The following ATP8B4 variants were observed in gnomAD, a reference collection of about 807,000 sequenced individuals.
The protein encoded by ATP8B4 is probable phospholipid-transporting ATPase IM.
In ATP8B4, 133 loss-of-function variants were observed where a neutral mutation model predicts 145.6. The observed-to-expected ratio is 0.91, with a 90% CI of 0.79 to 1.05. The LOEUF is 1.05. Ranked by LOEUF, ATP8B4 falls within the 50% of genes least tolerant of loss-of-function variation. ATP8B4 has a pLI of 0.00. For missense variants in ATP8B4, 1,458 were observed against 1,425.2 expected (o/e 1.02, Z -0.37); for synonymous variants, 507 against 492.9 (o/e 1.03, Z -0.38).
At chr15:49,902,098 A>G (rs1451051016) in intron 20 of ATP8B4, 1 of 171,384 alleles carries the variant, frequency 5.8e-6, no homozygotes, top group East Asian at 1.8e-4. Flanking sequence ...TTCCTCTTCA[A>G]GAACAGTTGA....
At chr15:49,978,435 A>G (rs1482283663) in intron 12 of ATP8B4, among the ~76,000 whole-genome samples, 1 of 152,186 alleles carries the variant, frequency 6.6e-6, no homozygotes, top group Non-Finnish European at 1.5e-5. Flanking sequence ...TGAATTTCCC[A>G]CAACTTGGCA....
chr15:49,899,613 T>C (rs541873836), intron 21 of ATP8B4, among the ~76,000 whole-genome samples: 1 of 152,312 alleles, frequency 6.6e-6, no homozygotes, highest in Non-Finnish European at 1.5e-5. Context: ...TAATTGTCTG[T>C]CTTGCCTAGA....
chr15:50,005,045 T>C (rs1182711022), intron 7 of ATP8B4, among the ~76,000 whole-genome samples: 1 of 152,152 alleles, frequency 6.6e-6, no homozygotes, highest in African/African-American at 2.4e-5. Flanking sequence ...AGCGTGAATA[T>C]CCAAACTCAC....
chr15:50,121,329 C>T (rs1292527584), upstream of ATP8B4, among the ~76,000 whole-genome samples: 1 of 152,090 alleles, frequency 6.6e-6, no homozygotes, highest in East Asian at 1.9e-4. Flanking sequence ...CTACCAAGGG[C>T]TGCAGGAAGA....
chr15:49,874,306 C>T (rs1207063715), intron 25 of ATP8B4, among the ~76,000 whole-genome samples: 1 of 152,110 alleles, frequency 6.6e-6, no homozygotes, highest in Middle Eastern at 3.2e-3. Flanking sequence ...TAAATGGATC[C>T]AGGGAGGCCC....
At position 50,073,019 on chromosome 15, in the gene ATP8B4, TACACACACAC is replaced by T. The variant is rs373934302; in HGVS notation, c.87+1098_87+1107del. 3.9e-3 allele frequency among the ~76,000 whole-genome samples: 126 copies of T among 32,446 alleles called. 3 individuals are homozygous for T. The highest frequency in any genetic ancestry group is 0.012 in the African/African-American group (86 of 7,402). 21.3% of individuals were successfully genotyped at this position (32,446 alleles called of 152,430 possible). ...ATATATATATATATATATATATATATACACACACACACACACACACACACACACACACACT... is the reference window on the plus strand; with the variant it reads ...ATATATATATATATATATATATATATACACACACACACACACACACACACT... On this transcript the variant is annotated intron_variant, in intron 3 of 27. Coordinates refer to ENST00000284509, the MANE Select transcript of ATP8B4 (RefSeq NM_024837.4).
chr15:50,060,837 G>A (rs990025415), intron 3 of ATP8B4, among the ~76,000 whole-genome samples: 2 of 152,186 alleles, frequency 1.3e-5, no homozygotes, highest in African/African-American at 4.8e-5. Flanking sequence ...TGAGGCCAAT[G>A]ATGCTGGTCT....
At chr15:49,964,319 T>C (rs557515108) in intron 13 of ATP8B4, among the ~76,000 whole-genome samples, 32 of 151,704 alleles carry the variant, frequency 2.1e-4, no homozygotes, top group Non-Finnish European at 4.1e-4. Context: ...AATAAAATGA[T>C]GGAAAAGAGA....
chr15:49,972,685 A>T lies in ATP8B4; in HGVS notation c.1140T>A (p.Asn380Lys). The change falls in exon 13 of 28, where the codon AAT becomes AAA. Residue 380 changes from asparagine (N) to lysine (K), a missense_variant. Coordinates refer to ENST00000284509, the MANE Select transcript of ATP8B4 (RefSeq NM_024837.4). ...TGTACTCAATCTGCCCCAGTTCCTC[A>T]TTGAGCGTGGTCGTTCGAGCCACTG... ...IPAVARTTTL[N>K]EELGQIEYIF... 1 of 1,613,986 alleles carries T rather than the reference A, an allele frequency of 6.2e-7. No individual in the cohort carries two copies. The highest frequency in any genetic ancestry group is 2.2e-5 in the East Asian group (1 of 44,872).
chr15:50,078,547 GA>G (rs1045890561), intron 2 of ATP8B4, among the ~76,000 whole-genome samples: 6 of 146,784 alleles, frequency 4.1e-5, no homozygotes, highest in East Asian at 2.0e-4. Context: ...AGGAAAATGT[GA>G]AAAAAAAAAC....
chr15:49,997,574 G>A (rs540219849), intron 8 of ATP8B4, among the ~76,000 whole-genome samples: 6 of 152,096 alleles, frequency 3.9e-5, no homozygotes, highest in African/African-American at 7.2e-5. Context: ...CCCAAGATAC[G>A]CAATGCTGCC....
intron 14 of ATP8B4, among the ~76,000 whole-genome samples, chr15:49,945,253 A>C (rs949264886): frequency 6.6e-6 from 1 of 152,168 alleles, no homozygotes; most frequent in Admixed American, 6.5e-5. Flanking sequence ...AACAAAGTGG[A>C]AACACTAGAA....
chr15:49,880,722 C>T lies in ATP8B4; in HGVS notation c.2698-1263G>A, dbSNP rs2035245634. On this transcript the variant is annotated intron_variant, in intron 23 of 27. Coordinates refer to ENST00000284509, the MANE Select transcript of ATP8B4 (RefSeq NM_024837.4). ...ACTCTCCTTTGTTACTCTCTGATTC[C>T]TATTTTCATTATGTGGTCTAAACCC... 4 of 149,838 alleles carry T rather than the reference C, an allele frequency of 2.7e-5. 1 individual carries two copies. The South Asian group carries it at 6.3e-4, about 23-fold the overall frequency. 9.3% of individuals were successfully genotyped at this position (149,838 alleles called of 1,614,324 possible). A position where few individuals can be genotyped will look rare whatever the true frequency, so the allele number is the denominator to read the frequency against.
intron 16 of ATP8B4, among the ~76,000 whole-genome samples, chr15:49,929,453 C>A (rs1163171408): frequency 6.6e-6 from 1 of 152,018 alleles, no homozygotes; most frequent in Non-Finnish European, 1.5e-5. Context: ...AAAGAAAGTT[C>A]CATATTTGAC....
At position 49,901,137 on chromosome 15, in the gene ATP8B4, TTC is replaced by T; in HGVS notation, c.2242_2243del (p.Glu748AsnfsTer22). The T allele has an allele frequency of 6.2e-7, 1 of 1,613,672 alleles. No homozygotes were observed. The highest frequency in any genetic ancestry group is 8.5e-7 in the Non-Finnish European group (1 of 1,179,700). The part of the protein sequence containing the change: ...QQLELDSIVE[E>X]TITGDYALII... ...TTAAGGCATAATCTCCTGTTATGGT[TTC>T]TTCTACAATAGAATCCAACTCCAGC... On this transcript the variant is annotated frameshift_variant, in exon 21 of 28. Transcript: ENST00000284509. LOFTEE classifies it high-confidence loss of function.
chr15:50,157,760 C>G (rs540142398), intron 1 of ATP8B4, among the ~76,000 whole-genome samples: 2 of 152,016 alleles, frequency 1.3e-5, no homozygotes, highest in Non-Finnish European at 2.9e-5. Context: ...CCTCTCCCCA[C>G]GGTCTCCCTC....
chr15:49,963,102 G>GCC (rs1276504130), intron 13 of ATP8B4, among the ~76,000 whole-genome samples: 210 of 152,122 alleles, frequency 1.4e-3, no homozygotes, highest in African/African-American at 4.9e-3. Flanking sequence ...TTAAAATGTG[G>GCC]GCAAAGGACA....
At chr15:50,123,306 C>CTT (rs2057285522), upstream of ATP8B4, among the ~76,000 whole-genome samples, 1 of 152,200 alleles carries the variant, frequency 6.6e-6, no homozygotes, top group Admixed American at 6.6e-5. Context: ...TATAGTTTAA[C>CTT]TTTGCAACAA....
At chr15:50,081,769 C>A (rs552809426) in intron 2 of ATP8B4, among the ~76,000 whole-genome samples, 5 of 152,192 alleles carry the variant, frequency 3.3e-5, no homozygotes, top group Non-Finnish European at 7.3e-5. Flanking sequence ...AAGTATGAAT[C>A]CCTAATTAAC....
Sources: allele counts gnomAD v4.1 joint callset (sites outside exome capture counted in the v4.1 genomes callset), GRCh38; gene constraint gnomAD v4.1.1; transcripts MANE v1.5; gene names NCBI Gene and HGNC (gene_info 2026-07-23, HGNC 2026-07-21).